Variants in CAST observed in about 807,000 individuals in gnomAD.
The protein encoded by CAST is MIR583 host.
A neutral mutation model predicts 119.6 loss-of-function variants in CAST; 76 were observed. That is an observed-to-expected ratio of 0.64 (90% CI 0.53 to 0.77). The LOEUF is 0.77. CAST is among the 30% of genes least tolerant of loss of function. The pLI is 0.00. For synonymous variants in CAST, 319 were observed against 331.6 expected, an observed-to-expected ratio of 0.96 and a Z score of 0.41; for missense variants, 953 against 946.5, an observed-to-expected ratio of 1.01 and a Z score of -0.09.
the CAST span, among the ~76,000 whole-genome samples, chr5:96,160,783 T>G: frequency 3.1e-3 from 478 of 152,316 alleles, 1 homozygote; most frequent in Non-Finnish European, 3.8e-3. Flanking sequence ...TTTTCTGTCT[T>G]TCTTATAATA....
Position 96,754,672 on chromosome 5 carries a change from A to C in CAST, c.1641A>C (p.Glu547Asp). The C allele has an allele frequency of 6.2e-7, 1 of 1,605,900 alleles. No individual in the cohort carries two copies. Among genetic ancestry groups the C allele is most frequent in the Non-Finnish European group, 8.5e-7 (1 of 1,173,854 alleles). The change falls in exon 22 of 32, where the codon GAA becomes GAC. Residue 547 changes from glutamate to aspartate, a missense_variant. Glu to Asp is a conservative substitution (Grantham distance 45, BLOSUM62 2). Transcript: ENST00000675179. ...ATTTTTCTCAGGAGAAGGCCAAAGA[A>C]GAAGACCGTGAAAAGCTTGGTGAAA... ...VMDKVKEKAK[E>D]EDREKLGEKE...
chr5:96,442,472 G>A, the CAST span, among the ~76,000 whole-genome samples: 1 of 152,198 alleles, frequency 6.6e-6, no homozygotes, highest in Non-Finnish European at 1.5e-5. Flanking sequence ...CTAGGTTTAT[G>A]TTATCCTAAA....
chr5:96,443,740 T>C, the CAST span, among the ~76,000 whole-genome samples: 1 of 152,244 alleles, frequency 6.6e-6, no homozygotes, highest in Admixed American at 6.5e-5. Flanking sequence ...GCATCATTGA[T>C]ATACATGAAT....
At chr5:96,559,110 A>G (rs1000568747) in intron 1 of CAST, among the ~76,000 whole-genome samples, 1 of 152,156 alleles carries the variant, frequency 6.6e-6, no homozygotes, top group African/African-American at 2.4e-5. Context: ...CAAAAGCCAC[A>G]TGATTATCTC....
intron 1 of CAST, among the ~76,000 whole-genome samples, chr5:96,554,353 T>C (rs571558564): frequency 2.0e-5 from 3 of 152,204 alleles, no homozygotes; most frequent in South Asian, 2.1e-4. Flanking sequence ...GCTAACCATA[T>C]GCAGAAAACT....
chr5:96,713,322 G>A (rs950722001), intron 3 of CAST, among the ~76,000 whole-genome samples: 3 of 151,854 alleles, frequency 2.0e-5, no homozygotes, highest in East Asian at 1.9e-4. Flanking sequence ...TAGTAGAGAC[G>A]GAGTTTCACT....
At chr5:96,271,904 C>T in the CAST span, among the ~76,000 whole-genome samples, 6 of 152,014 alleles carry the variant, frequency 3.9e-5, no homozygotes, top group Non-Finnish European at 8.8e-5. Flanking sequence ...GCATAAACAA[C>T]CCAATAGCAA....
intron 3 of CAST, among the ~76,000 whole-genome samples, chr5:96,706,719 G>C (rs1207327174): frequency 1.3e-5 from 2 of 152,094 alleles, no homozygotes; most frequent in Non-Finnish European, 2.9e-5. Context: ...TCTTCTTCCC[G>C]TGCTTTCCCC....
chr5:96,142,537 T>C, the CAST span, among the ~76,000 whole-genome samples: 190 of 152,196 alleles, frequency 1.2e-3, no homozygotes, highest in Middle Eastern at 6.8e-3. Flanking sequence ...CTGGGCAGAG[T>C]GTGGAAATTT....
chr5:96,540,247 C>T (rs1322530623), intron 1 of CAST, among the ~76,000 whole-genome samples: 2 of 151,962 alleles, frequency 1.3e-5, no homozygotes, highest in East Asian at 3.8e-4. Flanking sequence ...AGTTACTGGT[C>T]GTATTGCTTT....
chr5:96,597,589 C>T (rs1450436329), intron 1 of CAST, among the ~76,000 whole-genome samples: 1 of 152,162 alleles, frequency 6.6e-6, no homozygotes, highest in Non-Finnish European at 1.5e-5. Context: ...TCCAACATCA[C>T]ACTCCTCCGT....
chr5:96,746,157 A>T (rs905253774), intron 16 of CAST, among the ~76,000 whole-genome samples, 185 bp from the exon 17 acceptor site: 13 of 152,168 alleles, frequency 8.5e-5, no homozygotes, highest in African/African-American at 3.1e-4. Flanking sequence ...TTGCTCAGTC[A>T]CCCACTGCTC....
chr5:96,491,641 G>C, the CAST span, among the ~76,000 whole-genome samples: 2 of 151,508 alleles, frequency 1.3e-5, no homozygotes, highest in African/African-American at 4.9e-5. Context: ...TTATATTCCT[G>C]TGACACAGTA....
chr5:96,538,173 G>A (rs115466868), intron 1 of CAST, among the ~76,000 whole-genome samples: 2 of 152,140 alleles, frequency 1.3e-5, no homozygotes, highest in African/African-American at 4.8e-5. Context: ...GCCTTCCCGC[G>A]AGTAGCTTCC....
the CAST span, among the ~76,000 whole-genome samples, chr5:96,197,316 T>G: frequency 6.6e-6 from 1 of 152,298 alleles, no homozygotes; most frequent in South Asian, 2.1e-4. Flanking sequence ...GAACACAGTC[T>G]CCCAACTTCT....
chr5:96,291,198 C>T, the CAST span, among the ~76,000 whole-genome samples: 1 of 152,186 alleles, frequency 6.6e-6, no homozygotes, highest in African/African-American at 2.4e-5. Context: ...TGAAAGCTCA[C>T]ACTCCTAAAT....
the CAST span, among the ~76,000 whole-genome samples, chr5:96,269,268 A>G: frequency 1.3e-5 from 2 of 152,220 alleles, no homozygotes; most frequent in African/African-American, 4.8e-5. Flanking sequence ...ACAATATACA[A>G]TTATAAATAT....
At chr5:96,495,206 T>A in the CAST span, among the ~76,000 whole-genome samples, 35 of 152,290 alleles carry the variant, frequency 2.3e-4, no homozygotes, top group East Asian at 5.6e-3. Context: ...AGCAGACTTG[T>A]TAAAATAAGT....
the CAST span, among the ~76,000 whole-genome samples, chr5:96,118,215 TTC>T: frequency 6.6e-6 from 1 of 151,882 alleles, no homozygotes; most frequent in Admixed American, 6.5e-5. Flanking sequence ...AGCTGTAGTT[TTC>T]TCTCTCTTTT....
Sources: gnomAD v4.1 joint callset for allele counts (sites outside exome capture counted in the v4.1 genomes callset) on GRCh38, gnomAD v4.1.1 for gene constraint, MANE v1.5 for transcripts, NCBI Gene and HGNC (gene_info 2026-07-23, HGNC 2026-07-21) for gene names.